The following PALM2AKAP2 variants were observed in gnomAD, a reference collection of about 807,000 sequenced individuals.
PALM2AKAP2 encodes PALM2 and AKAP2 fusion, also known as PALM2-AKAP2 fusion protein.
A neutral mutation model predicts 71.5 loss-of-function variants in PALM2AKAP2; 37 were observed. That is an observed-to-expected ratio of 0.52 (90% CI 0.40 to 0.68). The LOEUF (loss-of-function observed/expected upper bound fraction) is 0.68. Ranked by LOEUF, PALM2AKAP2 falls within the 30% of genes least tolerant of loss-of-function variation. The pLI is 0.00. For missense variants in PALM2AKAP2, 1,224 were observed against 1,191.8 expected (o/e 1.03, Z -0.40); for synonymous variants, 468 against 478.8 (o/e 0.98, Z 0.29).
At chr9:109,742,322 G>A (rs1029016499) in intron 1 of PALM2AKAP2, among the ~76,000 whole-genome samples, 7 of 150,848 alleles carry the variant, frequency 4.6e-5, no homozygotes, top group Admixed American at 2.0e-4. Context: ...CACTTGAGTC[G>A]ACTGAAGAGA....
chr9:109,791,126 A>G (rs1009836141), intron 1 of PALM2AKAP2, among the ~76,000 whole-genome samples: 14 of 152,214 alleles, frequency 9.2e-5, no homozygotes, highest in African/African-American at 3.1e-4. Context: ...AGTAGAATGT[A>G]CTTTCCAATC....
rs1426338150 is a variant in PALM2AKAP2, at chr9:110,108,465, T to C, written c.157-27662T>C. Among the ~76,000 whole-genome samples the C allele has an allele frequency of 2.2e-4, 33 of 152,178 alleles. 1 individual carries two copies. The highest frequency in any genetic ancestry group is 2.1e-3 in the Admixed American group (32 of 15,276). ...AGACCAAAAAGAAGATATAATAAAA[T>C]TAATTGCCAAAAATTTAGAAAATGG... On this transcript the variant is annotated intron_variant, in intron 1 of 3. Coordinates refer to ENST00000374525, the Ensembl canonical transcript of PALM2AKAP2.
chr9:110,048,811 G>A (rs1160494265), exon 1 of PALM2AKAP2: 1 of 1,533,526 alleles, frequency 6.5e-7, no homozygotes, highest in East Asian at 2.5e-5. Context: ...GCGCTGGACT[G>A]GAGCAGAACC....
In PALM2AKAP2 at chr9:110,152,110, G is replaced by A. The variant is rs1355455780; in HGVS notation, c.2570-4209G>A. 2.0e-5 allele frequency among the ~76,000 whole-genome samples: 3 copies of A among 152,260 alleles called. No homozygotes were observed. In the East Asian group the frequency reaches 5.8e-4, roughly 29 times the overall value. Reference sequence around the variant, plus strand: ...AAATTAGCCAGGCATAGTGGTGGGTGCCTGTAATCCCAGCTACTCAGGAGG... The same window carrying A: ...AAATTAGCCAGGCATAGTGGTGGGTACCTGTAATCCCAGCTACTCAGGAGG... On this transcript the variant is annotated intron_variant, in intron 2 of 3. Transcript: ENST00000374525.
rs149642647 is a variant in PALM2AKAP2 at position 109,807,894 on chromosome 9, T to G, written c.45+27361T>G. Among the ~76,000 whole-genome samples the G allele has an allele frequency of 2.5e-3, 378 of 152,264 alleles. 2 individuals are homozygous for G. The highest frequency in any genetic ancestry group is 8.6e-3 in the African/African-American group (356 of 41,558). ...TTATAGTGAGTGAGTTCTCACAAGA[T>G]CTGATGATTTTATAAGGGGCTTTTT... On this transcript the variant is annotated intron_variant, in intron 1 of 9. Coordinates refer to the PALM2AKAP2 transcript ENST00000302798.
At chr9:109,909,735 T>C (rs758216647) in intron 3 of PALM2AKAP2, among the ~76,000 whole-genome samples, 3 of 152,166 alleles carry the variant, frequency 2.0e-5, no homozygotes, top group Admixed American at 1.3e-4. Context: ...AAAGAGATGA[T>C]ACCTGAGCAG....
intron 1 of PALM2AKAP2, among the ~76,000 whole-genome samples, chr9:109,844,385 A>G (rs1262247239): frequency 3.3e-5 from 5 of 152,236 alleles, no homozygotes; most frequent in Admixed American, 6.5e-5. Context: ...AATGCAATGC[A>G]GGACTCTGGA....
intron 1 of PALM2AKAP2, among the ~76,000 whole-genome samples, chr9:110,085,350 G>C (rs1051058840): frequency 2.0e-5 from 3 of 152,188 alleles, no homozygotes; most frequent in African/African-American, 7.2e-5. Context: ...TAAGAGGTGG[G>C]ATACAGGAAA....
chr9:109,673,622 G>A (rs539032398), intron 1 of PALM2AKAP2, among the ~76,000 whole-genome samples: 3 of 151,890 alleles, frequency 2.0e-5, no homozygotes, highest in South Asian at 2.1e-4. Flanking sequence ...CCATTTAATC[G>A]AGTGCTGAGT....
chr9:109,955,448 A>G (rs1482161334), intron 6 of PALM2AKAP2, among the ~76,000 whole-genome samples: 1 of 152,226 alleles, frequency 6.6e-6, no homozygotes, highest in Non-Finnish European at 1.5e-5. Flanking sequence ...ATTCCCAGGA[A>G]AATAAATAGA....
chr9:110,064,665 C>A (rs1040794273), intron 1 of PALM2AKAP2, among the ~76,000 whole-genome samples: 1 of 152,212 alleles, frequency 6.6e-6, no homozygotes, highest in African/African-American at 2.4e-5. Context: ...TGGGGCAGTT[C>A]CTTCATTGTC....
Position 110,136,428 on chromosome 9 carries a change from G to A in PALM2AKAP2, c.458G>A (p.Cys153Tyr), listed in dbSNP as rs7039287. ...CTAGATGAGGTGCTAGAGGCCAACT[G>A]CTGTGATTCTGCTGTGGATGGAACG... The change falls in exon 2 of 4, where the codon TGC (cysteine) becomes TAC (tyrosine). Residue 153 changes from cysteine (C) to tyrosine (Y), a missense_variant. By Grantham distance (194) the Cys-to-Tyr change is radical. Transcript: ENST00000374525. 3.8e-3 allele frequency: 6,060 copies of A among 1,614,150 alleles called. 173 individuals are homozygous for A. The African/African-American group carries it at 0.066, about 18-fold the overall frequency.
intron 1 of PALM2AKAP2, among the ~76,000 whole-genome samples, chr9:109,706,994 A>T (rs573701875): frequency 6.6e-6 from 1 of 152,344 alleles, no homozygotes; most frequent in Admixed American, 6.5e-5. Context: ...AATTATTTTA[A>T]TATGCTAAAA....
At chr9:110,065,233 A>T (rs889764009) in intron 1 of PALM2AKAP2, among the ~76,000 whole-genome samples, 3 of 151,978 alleles carry the variant, frequency 2.0e-5, no homozygotes, top group Non-Finnish European at 4.4e-5. Flanking sequence ...TTATTTATTT[A>T]TCATTATTTA....
At chr9:110,077,467 G>GA (rs565055222) in intron 1 of PALM2AKAP2, among the ~76,000 whole-genome samples, 7 of 152,148 alleles carry the variant, frequency 4.6e-5, no homozygotes, top group South Asian at 2.1e-4. Flanking sequence ...TAGACAGAAA[G>GA]CGGGTTATAT....
chr9:110,006,346 C>CTTTCTT (rs1832783943), intron 6 of PALM2AKAP2, among the ~76,000 whole-genome samples: 1 of 131,424 alleles, frequency 7.6e-6, no homozygotes, highest in African/African-American at 3.0e-5. Context: ...TTCTTTCTTT[C>CTTTCTT]TTTCTTTCTT....
intron 3 of PALM2AKAP2, among the ~76,000 whole-genome samples, chr9:109,894,103 G>A (rs1307401434): frequency 1.3e-5 from 2 of 151,544 alleles, no homozygotes; most frequent in Non-Finnish European, 2.9e-5. Flanking sequence ...TCGGGAGGCC[G>A]AGGCAGGTGG....
At chr9:109,964,854 G>T (rs570366415) in intron 6 of PALM2AKAP2, among the ~76,000 whole-genome samples, 3 of 152,208 alleles carry the variant, frequency 2.0e-5, no homozygotes, top group Non-Finnish European at 1.5e-5. Flanking sequence ...TCAAGGATAT[G>T]TTCAGGACCT....
rs1243154825 is a variant in PALM2AKAP2, at chr9:110,112,590, T to G, written c.157-23537T>G. ...GCCAGCAAGCACATGCAAATAGTTC[T>G]AGGACCCATTTAGAGTATATGATAA... On this transcript the variant is annotated intron_variant, in intron 1 of 3. Transcript: ENST00000374525. Among the ~76,000 whole-genome samples, 3 of 152,246 alleles carry G rather than the reference T, an allele frequency of 2.0e-5. No individual in the cohort carries two copies. In the East Asian group the frequency reaches 5.8e-4, roughly 29 times the overall value.
Sources: allele counts gnomAD v4.1 joint callset (sites outside exome capture counted in the v4.1 genomes callset), GRCh38; gene constraint gnomAD v4.1.1; transcripts MANE v1.5; gene names NCBI Gene and HGNC (gene_info 2026-07-23, HGNC 2026-07-21).